The following CTDP1 variants were observed in gnomAD, a reference collection of about 807,000 sequenced individuals.
The protein encoded by CTDP1 is RNA polymerase II subunit A C-terminal domain phosphatase.
In CTDP1, 47 loss-of-function variants were observed where a neutral mutation model predicts 91.8. That is an observed-to-expected ratio of 0.51 (90% CI 0.41 to 0.65). The LOEUF (loss-of-function observed/expected upper bound fraction) is 0.65, where lower values mean the gene tolerates loss of function less well. Ranked by LOEUF, CTDP1 falls within the 30% of genes least tolerant of loss-of-function variation. CTDP1 has a pLI of 0.00. For missense variants in CTDP1, 1,272 were observed against 1,373.7 expected (o/e 0.93, Z 1.17); for synonymous variants, 656 against 598.5 (o/e 1.10, Z -1.40).
chr18:79,736,277 A>T, intron 11 of CTDP1, 78 bp from the exon 12 acceptor site: 1 of 1,534,170 alleles, frequency 6.5e-7, no homozygotes, highest in Middle Eastern at 2.3e-4. Context: ...AGAGCCCTGG[A>T]CTCTGCCGGG....
intron 4 of CTDP1, among the ~76,000 whole-genome samples, chr18:79,701,425 G>A (rs1161839236): frequency 2.0e-5 from 3 of 151,922 alleles, no homozygotes; most frequent in African/African-American, 7.3e-5. Context: ...CAGGAGAATG[G>A]CGTGAACCCG....
intron 12 of CTDP1, among the ~76,000 whole-genome samples, chr18:79,745,306 G>GGGTT (rs1235842081): frequency 8.1e-6 from 1 of 123,290 alleles, no homozygotes; most frequent in Non-Finnish European, 1.7e-5. Context: ...CCTCCCGTGC[G>GGGTT]CGTTCTGTCC....
At chr18:79,750,150 G>A (rs948906092) in intron 12 of CTDP1, among the ~76,000 whole-genome samples, 1 of 152,206 alleles carries the variant, frequency 6.6e-6, no homozygotes, top group Non-Finnish European at 1.5e-5. Context: ...GAGGTGTGCA[G>A]AGGGGAAGCA....
intron 11 of CTDP1, 105 bp from the exon 12 acceptor site, chr18:79,736,250 C>T (rs768213155): frequency 4.9e-6 from 7 of 1,439,550 alleles, no homozygotes; most frequent in African/African-American, 4.2e-5. Context: ...ACCTCCAGCC[C>T]CCACCCTGCT....
intron 8 of CTDP1, 42 bp from the exon 9 acceptor site, chr18:79,717,493 A>G (rs1477826075): frequency 1.9e-6 from 3 of 1,609,308 alleles, no homozygotes; most frequent in Non-Finnish European, 2.5e-6. Flanking sequence ...CTGAGCCTCC[A>G]GTGCTGGCCG....
intron 12 of CTDP1, among the ~76,000 whole-genome samples, chr18:79,737,461 C>T (rs564996712): frequency 1.3e-5 from 2 of 152,152 alleles, no homozygotes; most frequent in South Asian, 2.1e-4. Flanking sequence ...GATTAGCTCA[C>T]GGTCCCATCG....
intron 12 of CTDP1, among the ~76,000 whole-genome samples, chr18:79,741,367 T>C (rs1016538437): frequency 4.6e-5 from 7 of 152,254 alleles, no homozygotes; most frequent in African/African-American, 1.7e-4. Context: ...CCATAGCCTC[T>C]TTCTTCAGAT....
chr18:79,702,377 A>T (rs1198018336), intron 4 of CTDP1, among the ~76,000 whole-genome samples: 1 of 151,992 alleles, frequency 6.6e-6, no homozygotes, highest in East Asian at 1.9e-4. Flanking sequence ...TTTATTTTTT[A>T]TTTTTTAATT....
Position 79,704,830 on chromosome 18 carries a change from T to C in CTDP1, c.685T>C (p.Cys229Arg). ...PMLHTRLRPH[C>R]KDFLEKIAKL... ...GCTGCACACGCGCCTGCGTCCACAC[T>C]GCAAGGACTTCCTGGAGAAGATCGC... Residue 229 changes from cysteine (C) to arginine (R), a missense_variant, in exon 5 of 13, where the codon TGC (cysteine) becomes CGC (arginine). By Grantham distance (180) the Cys-to-Arg change is radical. Transcript: ENST00000613122. 1.9e-6 allele frequency: 3 copies of C among 1,614,064 alleles called. No individual in the cohort carries two copies. Among genetic ancestry groups the C allele is most frequent in the Non-Finnish European group, 2.5e-6 (3 of 1,180,040 alleles).
chr18:79,715,977 G>C (rs1484080830), intron 8 of CTDP1, among the ~76,000 whole-genome samples: 1 of 152,224 alleles, frequency 6.6e-6, no homozygotes, highest in Non-Finnish European at 1.5e-5. Flanking sequence ...CAGGCCTGCT[G>C]TCTCCCGACG....
At chr18:79,710,785 A>C (rs2122599119) in intron 6 of CTDP1, among the ~76,000 whole-genome samples, 1 of 141,138 alleles carries the variant, frequency 7.1e-6, no homozygotes, top group Admixed American at 7.8e-5. Flanking sequence ...TGACCTCGTG[A>C]TCTTCCCGCC....
chr18:79,690,373 A>G (rs564657366), intron 1 of CTDP1, among the ~76,000 whole-genome samples: 1 of 152,320 alleles, frequency 6.6e-6, no homozygotes, highest in East Asian at 1.9e-4. Context: ...TGGCTTTCTC[A>G]TGGATTTTCT....
chr18:79,748,716 C>T (rs766454737), intron 12 of CTDP1, among the ~76,000 whole-genome samples: 3 of 152,218 alleles, frequency 2.0e-5, no homozygotes, highest in East Asian at 1.9e-4. Context: ...TGAGCGCCTG[C>T]GGCCGCCTCA....
At position 79,679,989 on chromosome 18, in the gene CTDP1, CCCGACG is replaced by C; in HGVS notation, c.43_48del (p.Pro15_Thr16del). The C allele has an allele frequency of 1.5e-6, 2 of 1,342,718 alleles. No homozygotes were observed. Among genetic ancestry groups the C allele is most frequent in the Non-Finnish European group, 1.9e-6 (2 of 1,044,528 alleles). The allele number at this position is 1,342,718 out of a possible 1,614,324, so 83.2% of individuals were successfully genotyped here. A position where few individuals can be genotyped will look rare whatever the true frequency, so the allele number is the denominator to read the frequency against. On this transcript the variant is annotated inframe_deletion, in exon 1 of 13. Transcript: ENST00000613122. Reference sequence around the variant, plus strand: ...CGGGTCGCGTTCCTGCCGAGGGCGCCCCGACGGCGGCTGTGGCCGAGGTGCGCTGCC... The same window carrying C: ...CGGGTCGCGTTCCTGCCGAGGGCGCCGCGGCTGTGGCCGAGGTGCGCTGCC...
intron 1 of CTDP1, among the ~76,000 whole-genome samples, chr18:79,692,743 G>A (rs573846297): frequency 2.6e-4 from 39 of 152,236 alleles, no homozygotes; most frequent in Admixed American, 2.0e-3. Context: ...GGAACCCGCC[G>A]TGAGCTGGTG....
intron 12 of CTDP1, chr18:79,750,073 G>C (rs1377573886): frequency 6.6e-6 from 1 of 151,914 alleles, no homozygotes; most frequent in African/African-American, 2.4e-5. Context: ...AAGATCTGCA[G>C]ATGAGGCATG....
chr18:79,754,055 A>C lies in CTDP1; in HGVS notation c.*265A>C. ...AGCTCAGCAGAGGCTCACGTGGCCCAGGCTGGTGCGCCCGCTGTCTCGGTA... is the reference window on the plus strand; with the variant it reads ...AGCTCAGCAGAGGCTCACGTGGCCCCGGCTGGTGCGCCCGCTGTCTCGGTA... On this transcript the variant is annotated 3_prime_UTR_variant, in exon 13 of 13. Coordinates refer to ENST00000613122, the MANE Select transcript of CTDP1 (RefSeq NM_004715.5). 1 of 518,974 alleles carries C rather than the reference A, an allele frequency of 1.9e-6. No homozygotes were observed. Among genetic ancestry groups the C allele is most frequent in the Non-Finnish European group, 3.5e-6 (1 of 289,064 alleles). The allele number at this position is 518,974 out of a possible 1,614,324, so 32.1% of individuals were successfully genotyped here. A position where few individuals can be genotyped will look rare whatever the true frequency, so the allele number is the denominator to read the frequency against.
At chr18:79,698,492 A>C (rs2085792848) in intron 4 of CTDP1, among the ~76,000 whole-genome samples, 1 of 152,168 alleles carries the variant, frequency 6.6e-6, no homozygotes. Context: ...GGGGAAATGC[A>C]GGGTGAGGGC....
At chr18:79,722,970 TC>T (rs561990913) in intron 10 of CTDP1, among the ~76,000 whole-genome samples, 116 of 152,042 alleles carry the variant, frequency 7.6e-4, no homozygotes, top group Non-Finnish European at 1.2e-3. Flanking sequence ...AATCCAAGAG[TC>T]CCCCCTGCTT....
Sources: allele counts gnomAD v4.1 joint callset (sites outside exome capture counted in the v4.1 genomes callset), GRCh38; gene constraint gnomAD v4.1.1; transcripts MANE v1.5; gene names NCBI Gene and HGNC (gene_info 2026-07-23, HGNC 2026-07-21).